ITIH1: variants seen among roughly 807,000 people sequenced by gnomAD.
ITIH1 encodes the protein inter-alpha-trypsin inhibitor heavy chain 1.
In ITIH1, 94 loss-of-function variants were observed where a neutral mutation model predicts 104.6. That is an observed-to-expected ratio of 0.90 (90% CI 0.76 to 1.07). The LOEUF (loss-of-function observed/expected upper bound fraction) is 1.07, where lower values mean the gene tolerates loss of function less well. ITIH1 is among the 50% of genes least tolerant of loss of function. The pLI, the probability that ITIH1 is intolerant of heterozygous loss-of-function variation, is 0.00. For synonymous variants in ITIH1, 455 were observed against 464.4 expected (o/e 0.98, Z 0.26); for missense variants, 1,193 against 1,181.4 (o/e 1.01, Z -0.14).
chr3:52,778,932 C>A lies in ITIH1; in HGVS notation c.306-10C>A, dbSNP rs747787370. On this transcript the variant is annotated splice_polypyrimidine_tract_variant and intron_variant, in intron 3 of 21. Coordinates refer to ENST00000273283, the MANE Select transcript of ITIH1 (RefSeq NM_002215.4). Reference sequence around the variant, plus strand: ...TCATCTTTCCTGAGGGTGTCCTTCCCTCCCTGCAGTACAGCAGATGGAAAC... The same window carrying A: ...TCATCTTTCCTGAGGGTGTCCTTCCATCCCTGCAGTACAGCAGATGGAAAC... 1.3e-6 allele frequency: 2 copies of A among 1,598,612 alleles called. No individual in the cohort carries two copies. The highest frequency in any genetic ancestry group is 1.7e-6 in the Non-Finnish European group (2 of 1,165,868).
chr3:52,780,240 T>A (rs2302417), intron 5 of ITIH1, 29 bp from the exon 6 acceptor site: 712,211 of 1,521,740 alleles, frequency 0.47, 170,475 homozygotes, highest in Admixed American at 0.58. Context: ...TCTTTTTTTT[T>A]AAAAAAATAA....
At chr3:52,783,466 GCACTGGTCTAAAAA>G in intron 10 of ITIH1, 127 bp downstream of exon 10, 1 of 989,322 alleles carries the variant, frequency 1.0e-6, no homozygotes, top group Non-Finnish European at 1.5e-6. Flanking sequence ...GCAAAATCAA[GCACTGGTCTAAAAA>G]CACAGCTCAG....
At chr3:52,787,641 A>T (rs747908537) in intron 16 of ITIH1, 29 bp downstream of exon 16, 1 of 1,612,356 alleles carries the variant, frequency 6.2e-7, no homozygotes, top group Non-Finnish European at 8.5e-7. Context: ...GGCCATTCAC[A>T]TCTCTACCCC....
At chr3:52,778,746 C>A in intron 3 of ITIH1, 196 bp from the exon 4 acceptor site, 1 of 1,326,436 alleles carries the variant, frequency 7.5e-7, no homozygotes, top group South Asian at 1.5e-5. Flanking sequence ...GGAGCCAAGG[C>A]CAGAGTCTGA....
chr3:52,788,562 CTT>C (rs375504966), intron 18 of ITIH1, among the ~76,000 whole-genome samples: 2 of 139,610 alleles, frequency 1.4e-5, no homozygotes, highest in Non-Finnish European at 3.1e-5. Flanking sequence ...CACACAGGGG[CTT>C]TTTTTTTTTT....
rs767157589 is a variant in ITIH1, at chr3:52,789,714, C to G, written c.2181C>G (p.Gly727=). The G allele has an allele frequency of 6.2e-7, 1 of 1,614,196 alleles. No individual in the cohort carries two copies. Among genetic ancestry groups the G allele is most frequent in the African/African-American group, 1.3e-5 (1 of 75,060 alleles). The change falls in exon 19 of 22, where the codon GGC becomes GGG. Residue 727 remains glycine (G), a synonymous_variant. Coordinates refer to ENST00000273283, the MANE Select transcript of ITIH1 (RefSeq NM_002215.4). Reference sequence around the variant, plus strand: ...CCAGGAGCCCTGGGCAGCATGACGGCACGTACTTCGGGCGGCTGGGAATCG... The same window carrying G: ...CCAGGAGCCCTGGGCAGCATGACGGGACGTACTTCGGGCGGCTGGGAATCG... The part of the protein sequence containing the change: ...NKARSPGQHD[G]TYFGRLGIAN...
chr3:52,780,512 G>GCTGGTGT (rs1699010353), intron 6 of ITIH1, 130 bp downstream of exon 6: 1 of 640,284 alleles, frequency 1.6e-6, no homozygotes, highest in Admixed American at 2.9e-5. Context: ...GATGAGAGAA[G>GCTGGTGT]CTGGTGTCAT....
chr3:52,789,226 G>C (rs766939742), intron 18 of ITIH1, among the ~76,000 whole-genome samples: 40 of 152,316 alleles, frequency 2.6e-4, no homozygotes, highest in Non-Finnish European at 5.1e-4. Context: ...GATCATTTCA[G>C]AGCATGAGAC....
Position 52,788,417 on chromosome 3 carries a change from G to T in ITIH1, c.2119+72G>T. The T allele has an allele frequency of 4.1e-5, 43 of 1,053,922 alleles. 1 individual carries two copies. In the South Asian group the frequency reaches 5.8e-4, roughly 14 times the overall value. The allele number at this position is 1,053,922 out of a possible 1,614,324, so 65.3% of individuals were successfully genotyped here. On this transcript the variant is annotated intron_variant, in intron 18 of 21. Transcript: ENST00000273283. ...GCCCTCAACATTCAGCCAGGAACAG[G>T]ACTATGGCCAAGGCCCTCACTGCCC...
At chr3:52,781,210 TCTTCTTCTTC>T (rs1202036790) in intron 6 of ITIH1, among the ~76,000 whole-genome samples, 427 of 21,216 alleles carry the variant, frequency 0.02, 23 homozygotes, top group Non-Finnish European at 0.027. Flanking sequence ...TTTTTTTTTT[TCTTCTTCTTC>T]TTCTTCTTCT....
At chr3:52,781,370 T>G (rs1699056481) in intron 6 of ITIH1, among the ~76,000 whole-genome samples, 1 of 151,816 alleles carries the variant, frequency 6.6e-6, no homozygotes. Flanking sequence ...TTTCTGCTGC[T>G]TCTTCTTCCT....
rs113674009 is a variant in ITIH1, at chr3:52,787,985, G to C, written c.1925-1G>C. ...CTAAATGCCACTCCCCCTCCCATCA[G>C]CGTTCGTGCTGTCAGCCTTGCAGCC... On this transcript the variant is annotated splice_acceptor_variant, in intron 16 of 21. Coordinates refer to ENST00000273283, the MANE Select transcript of ITIH1 (RefSeq NM_002215.4). LOFTEE classifies it high-confidence loss of function. 1.9e-6 allele frequency: 3 copies of C among 1,613,730 alleles called. No homozygotes were observed. Among genetic ancestry groups the C allele is most frequent in the Non-Finnish European group, 2.5e-6 (3 of 1,179,742 alleles).
At chr3:52,791,440 G>C in intron 20 of ITIH1, 77 bp from the exon 21 acceptor site, 1 of 1,184,902 alleles carries the variant, frequency 8.4e-7, no homozygotes, top group African/African-American at 1.5e-5. Context: ...CTCTAACCCC[G>C]CAGTGAGCAC....
rs1013223472 is a variant in ITIH1, at chr3:52,788,022, A to T, written c.1961A>T (p.His654Leu). ...VLSALQPSPT[H>L]SSSNTQRLPD... Reference sequence around the variant, plus strand: ...TCAGCCTTGCAGCCTTCTCCTACTCATTCCAGCTCCAATACCCAGCGGCTG... The same window carrying T: ...TCAGCCTTGCAGCCTTCTCCTACTCTTTCCAGCTCCAATACCCAGCGGCTG... Residue 654 changes from histidine (H) to leucine (L), a missense_variant, in exon 17 of 22, where the codon CAT becomes CTT. By Grantham distance (99) the His-to-Leu change is moderately conservative. Transcript: ENST00000273283. The T allele has an allele frequency of 1.2e-6, 2 of 1,613,148 alleles. No homozygotes were observed. Among genetic ancestry groups the T allele is most frequent in the Non-Finnish European group, 1.7e-6 (2 of 1,179,660 alleles).
At chr3:52,786,863 T>G in intron 13 of ITIH1, 82 bp from the exon 14 acceptor site, 2 of 1,425,240 alleles carry the variant, frequency 1.4e-6, no homozygotes, top group Non-Finnish European at 1.9e-6. Flanking sequence ...AATGAATGAA[T>G]GAATGAATAA....
chr3:52,778,884 C>A, intron 3 of ITIH1, 58 bp from the exon 4 acceptor site: 1 of 1,295,054 alleles, frequency 7.7e-7, no homozygotes, highest in Non-Finnish European at 1.1e-6. Context: ...CAGGCCCTCT[C>A]AGGACCTGTG....
chr3:52,789,535 C>G (rs1229263206), intron 18 of ITIH1, 118 bp from the exon 19 acceptor site: 1 of 871,246 alleles, frequency 1.1e-6, no homozygotes, highest in South Asian at 1.5e-5. Context: ...GCAGGAGACT[C>G]TCAAAGACAG....
At chr3:52,783,384 C>A in intron 10 of ITIH1, 45 bp downstream of exon 10, 1 of 1,593,072 alleles carries the variant, frequency 6.3e-7, no homozygotes, top group Non-Finnish European at 8.6e-7. Flanking sequence ...ATCTCCTTGT[C>A]ACCCGAGACA....
chr3:52,786,300 A>T lies in ITIH1; in HGVS notation c.1599A>T (p.Gly533=). The T allele has an allele frequency of 6.4e-7, 1 of 1,568,570 alleles. No individual in the cohort carries two copies. Among genetic ancestry groups the T allele is most frequent in the Non-Finnish European group, 8.7e-7 (1 of 1,155,384 alleles). ...FKADVQAHGE[G]QEFSITCLVD... is the part of the protein sequence containing the mutation. The stretch of plus-strand genomic sequence containing the variant: ...CTCTGTACCTCAACTCTCAGGAGGG[A>T]CAAGAATTCAGTATAACCTGCCTAG... The change falls in exon 13 of 22, where the codon GGA becomes GGT. Residue 533 remains glycine, a synonymous_variant. Transcript: ENST00000273283.
Sources: gnomAD v4.1 joint callset for allele counts (sites outside exome capture counted in the v4.1 genomes callset) on GRCh38, gnomAD v4.1.1 for gene constraint, MANE v1.5 for transcripts, NCBI Gene and HGNC (gene_info 2026-07-23, HGNC 2026-07-21) for gene names.